Variants in NXN observed in about 807,000 individuals in gnomAD.
NXN encodes the protein nucleoredoxin.
In NXN, 16 loss-of-function variants were observed where a neutral mutation model predicts 48.6. The observed-to-expected ratio is 0.33, with a 90% CI of 0.22 to 0.50. The LOEUF is 0.50. Among genes scored for constraint, NXN ranks in the 20% least tolerant of loss-of-function variants. The probability of loss-of-function intolerance (pLI) is 0.98; values close to 1 mark genes in which losing one functional copy is unlikely to be tolerated. For synonymous variants in NXN, 281 were observed against 269.6 expected, an observed-to-expected ratio of 1.04 and a Z score of -0.41; for missense variants, 492 against 605.5, an observed-to-expected ratio of 0.81 and a Z score of 1.97.
intron 5 of NXN, among the ~76,000 whole-genome samples, chr17:811,365 G>A (rs1911990681): frequency 6.6e-6 from 1 of 152,234 alleles, no homozygotes; most frequent in African/African-American, 2.4e-5. Flanking sequence ...AGAGTGCCGT[G>A]CTCCCTGGCA....
At chr17:909,279 C>A (rs1188744219) in intron 1 of NXN, among the ~76,000 whole-genome samples, 2 of 152,026 alleles carry the variant, frequency 1.3e-5, no homozygotes, top group Non-Finnish European at 1.5e-5. Context: ...TCTGAAATTA[C>A]AAACACTTAT....
chr17:853,201 C>T (rs570538337), intron 1 of NXN, among the ~76,000 whole-genome samples: 2 of 152,240 alleles, frequency 1.3e-5, no homozygotes, highest in Middle Eastern at 3.4e-3. Context: ...CCTGGAATCC[C>T]GGTACTTTGG....
intron 1 of NXN, among the ~76,000 whole-genome samples, chr17:952,227 C>T (rs1023915704): frequency 4.4e-5 from 4 of 91,744 alleles, no homozygotes; most frequent in Non-Finnish European, 6.9e-5. Flanking sequence ...GTACCACGGA[C>T]GGTCACACTG....
intron 1 of NXN, among the ~76,000 whole-genome samples, chr17:840,720 C>T (rs35296379): frequency 0.047 from 7,214 of 152,214 alleles, 290 homozygotes; most frequent in East Asian, 0.24. Context: ...TTGCTGCTAG[C>T]GTGACAGGCA....
intron 1 of NXN, among the ~76,000 whole-genome samples, chr17:857,768 G>A (rs146723443): frequency 1.9e-4 from 29 of 152,228 alleles, no homozygotes; most frequent in Middle Eastern, 6.8e-3. Flanking sequence ...ATTCTTCACC[G>A]ATACCTGGTA....
At chr17:904,896 C>G (rs1434847579) in intron 1 of NXN, among the ~76,000 whole-genome samples, 1 of 152,084 alleles carries the variant, frequency 6.6e-6, no homozygotes, top group Non-Finnish European at 1.5e-5. Flanking sequence ...TACTCCTCAC[C>G]CTTAGAGAAG....
intron 1 of NXN, among the ~76,000 whole-genome samples, chr17:901,724 G>A (rs2068539394): frequency 6.6e-6 from 1 of 152,048 alleles, no homozygotes; most frequent in Non-Finnish European, 1.5e-5. Flanking sequence ...TTTGGAGATG[G>A]GATATCGCTC....
intron 1 of NXN, among the ~76,000 whole-genome samples, chr17:840,653 T>G (rs1914114420): frequency 6.6e-6 from 1 of 152,210 alleles, no homozygotes; most frequent in South Asian, 2.1e-4. Flanking sequence ...TGCAGACTTC[T>G]TACGTCTTAA....
chr17:838,689 C>T (rs1382148577), intron 1 of NXN, among the ~76,000 whole-genome samples: 1 of 152,136 alleles, frequency 6.6e-6, no homozygotes, highest in Non-Finnish European at 1.5e-5. Flanking sequence ...AGGCCAACTG[C>T]CAGGAGAAAT....
intron 1 of NXN, among the ~76,000 whole-genome samples, chr17:900,803 T>C (rs2144896949): frequency 6.6e-6 from 1 of 152,234 alleles, no homozygotes; most frequent in East Asian, 1.9e-4. Flanking sequence ...TCAGGATTAT[T>C]CTGCAGAGAC....
At chr17:876,811 C>T (rs1347913367) in intron 1 of NXN, among the ~76,000 whole-genome samples, 1 of 151,828 alleles carries the variant, frequency 6.6e-6, no homozygotes, top group African/African-American at 2.4e-5. Flanking sequence ...TGGGAGGCTG[C>T]GGGGGCGGGG....
chr17:872,912 C>T (rs1048629033), intron 1 of NXN, among the ~76,000 whole-genome samples: 13 of 152,152 alleles, frequency 8.5e-5, no homozygotes. Flanking sequence ...AGCCACCACA[C>T]CCAGCTGAGA....
intron 1 of NXN, among the ~76,000 whole-genome samples, chr17:966,654 G>A (rs554283917): frequency 2.0e-5 from 3 of 152,104 alleles, no homozygotes; most frequent in East Asian, 1.9e-4. Flanking sequence ...GCTGGTGTTC[G>A]CATATTTTAT....
chr17:827,351 G>C (rs564002774), intron 1 of NXN, among the ~76,000 whole-genome samples: 1 of 151,682 alleles, frequency 6.6e-6, no homozygotes, highest in Non-Finnish European at 1.5e-5. Context: ...GGCCGGGTGC[G>C]GTGGCTCACA....
intron 1 of NXN, among the ~76,000 whole-genome samples, chr17:970,178 C>T (rs1163761863): frequency 6.6e-6 from 1 of 152,194 alleles, no homozygotes; most frequent in African/African-American, 2.4e-5. Context: ...CATGACGGGT[C>T]TCACTCCCGA....
chr17:955,060 G>C (rs988380245), intron 1 of NXN, among the ~76,000 whole-genome samples: 1 of 152,020 alleles, frequency 6.6e-6, no homozygotes, highest in African/African-American at 2.4e-5. Flanking sequence ...ATGAGCCCCC[G>C]CGACGGGGAG....
At chr17:878,530 AG>A in intron 1 of NXN, among the ~76,000 whole-genome samples, 1 of 48,378 alleles carries the variant, frequency 2.1e-5, no homozygotes, top group Non-Finnish European at 4.1e-5. Flanking sequence ...GGGGCAGGGG[AG>A]GGGGTGCCCT....
chr17:915,409 AAGTAGCTGGGACTACGGG>A (rs2068678485), intron 1 of NXN, among the ~76,000 whole-genome samples: 1 of 152,052 alleles, frequency 6.6e-6, no homozygotes, highest in Non-Finnish European at 1.5e-5. Context: ...TCCGCCTCCC[AAGTAGCTGGGACTACGGG>A]AGTGTGCCAT....
rs1033930187 is a variant in NXN, at chr17:822,428, G to A, written c.642C>T (p.Val214=). 2 of 1,613,970 alleles carry A rather than the reference G, an allele frequency of 1.2e-6. No individual in the cohort carries two copies. The highest frequency in any genetic ancestry group is 1.7e-5 in the Admixed American group (1 of 59,990). The change falls in exon 4 of 8, where the codon GTC becomes GTT. Residue 214 remains valine (V), a synonymous_variant. Transcript: ENST00000336868. ...WCPPCRSLTR[V]LVESYRKIKE... is the part of the protein sequence containing the mutation. ...TGATCTTCCGGTAGGATTCCACCAG[G>A]ACCCGGGTGAGGCTTCGGCAGGGCG...
Sources: gnomAD v4.1 joint callset for allele counts (sites outside exome capture counted in the v4.1 genomes callset) on GRCh38, gnomAD v4.1.1 for gene constraint, MANE v1.5 for transcripts, NCBI Gene and HGNC (gene_info 2026-07-23, HGNC 2026-07-21) for gene names.